The following FARS2 variants were observed in gnomAD, a reference collection of about 807,000 sequenced individuals.
FARS2 encodes the protein phenylalanine--tRNA ligase, mitochondrial.
Under a neutral mutation model 46.4 loss-of-function variants are expected in FARS2, and 40 were observed. That is an observed-to-expected ratio of 0.86 (90% CI 0.67 to 1.12). The LOEUF is 1.12. Among genes scored for constraint, FARS2 ranks in the 50% most tolerant of loss-of-function variants. FARS2 has a pLI of 0.00. For synonymous variants in FARS2, 234 were observed against 214.9 expected (o/e 1.09, Z -0.78); for missense variants, 513 against 567.9 (o/e 0.90, Z 0.98).
intron 1 of FARS2, among the ~76,000 whole-genome samples, chr6:5,357,217 A>G (rs1362077372): frequency 6.6e-6 from 1 of 152,232 alleles, no homozygotes; most frequent in South Asian, 2.1e-4. Flanking sequence ...TGGGGAGAAA[A>G]TGGAGCTTTG....
chr6:5,305,002 G>T (rs913379131), intron 1 of FARS2, among the ~76,000 whole-genome samples: 4 of 152,170 alleles, frequency 2.6e-5, no homozygotes, highest in Non-Finnish European at 5.9e-5. Context: ...GAGGGCACTG[G>T]AAGTAGCTGG....
At chr6:5,411,184 C>G (rs1163074099) in intron 3 of FARS2, among the ~76,000 whole-genome samples, 1 of 152,172 alleles carries the variant, frequency 6.6e-6, no homozygotes, top group East Asian at 1.9e-4. Flanking sequence ...GAGGCTGAGG[C>G]AGGAGGATTG....
intron 6 of FARS2, among the ~76,000 whole-genome samples, chr6:5,620,958 CT>C (rs1270682666): frequency 6.6e-6 from 1 of 152,252 alleles, no homozygotes; most frequent in African/African-American, 2.4e-5. Flanking sequence ...TACGTAGCTG[CT>C]GATTTAGGCA....
chr6:5,371,116 A>C, intron 2 of FARS2: 1 of 793,602 alleles, frequency 1.3e-6, no homozygotes, highest in Non-Finnish European at 1.5e-6. Context: ...TTTTCATGAC[A>C]CTCCTTTCTA....
intron 6 of FARS2, among the ~76,000 whole-genome samples, chr6:5,687,219 A>T (rs1232324094): frequency 1.3e-5 from 2 of 152,054 alleles, no homozygotes; most frequent in Non-Finnish European, 2.9e-5. Context: ...CCCATTTGTC[A>T]ATTTTGGCTT....
At chr6:5,328,997 T>C (rs1350283383) in intron 1 of FARS2, among the ~76,000 whole-genome samples, 1 of 152,118 alleles carries the variant, frequency 6.6e-6, no homozygotes, top group Non-Finnish European at 1.5e-5. Context: ...GAGTGAAGTG[T>C]CTTATCTCTA....
chr6:5,436,812 A>C (rs1763547939), intron 4 of FARS2, among the ~76,000 whole-genome samples: 1 of 152,184 alleles, frequency 6.6e-6, no homozygotes, highest in Non-Finnish European at 1.5e-5. Context: ...ATATTAAACA[A>C]ATACCCTAGA....
intron 4 of FARS2, among the ~76,000 whole-genome samples, chr6:5,543,371 G>T (rs990640182): frequency 1.1e-4 from 13 of 120,882 alleles, no homozygotes; most frequent in South Asian, 7.2e-4. Flanking sequence ...TCTGTTGTTG[G>T]TGGTGGTTTT....
At chr6:5,679,557 G>A (rs549430076) in intron 6 of FARS2, among the ~76,000 whole-genome samples, 18 of 152,116 alleles carry the variant, frequency 1.2e-4, no homozygotes, top group South Asian at 2.1e-4. Flanking sequence ...AATACTGATC[G>A]CCTTACCTCC....
intron 1 of FARS2, among the ~76,000 whole-genome samples, chr6:5,317,267 C>T (rs1156693591): frequency 2.6e-5 from 4 of 152,090 alleles, no homozygotes; most frequent in South Asian, 2.1e-4. Flanking sequence ...GTCTAGTATT[C>T]GACAAAAAAT....
chr6:5,286,652 G>A (rs748355943), intron 1 of FARS2, among the ~76,000 whole-genome samples: 1 of 152,126 alleles, frequency 6.6e-6, no homozygotes, highest in Non-Finnish European at 1.5e-5. Flanking sequence ...GTGTATGAGT[G>A]TGTGTGTATT....
intron 6 of FARS2, among the ~76,000 whole-genome samples, chr6:5,642,216 C>T (rs1187047635): frequency 1.3e-5 from 2 of 152,068 alleles, no homozygotes; most frequent in Non-Finnish European, 2.9e-5. Context: ...ATACACAATA[C>T]ATATTTTAGA....
At chr6:5,649,671 A>G (rs528090074) in intron 6 of FARS2, among the ~76,000 whole-genome samples, 1 of 152,354 alleles carries the variant, frequency 6.6e-6, no homozygotes, top group East Asian at 1.9e-4. Context: ...TATAGATGAG[A>G]AAACCAAGGC....
intron 4 of FARS2, among the ~76,000 whole-genome samples, chr6:5,511,187 A>G (rs10900970): frequency 0.12 from 18,366 of 152,262 alleles, 1,210 homozygotes; most frequent in East Asian, 0.23. Flanking sequence ...AGAATGATAG[A>G]TGCCAAGATG....
intron 1 of FARS2, among the ~76,000 whole-genome samples, chr6:5,293,122 A>G (rs1016671182): frequency 1.3e-5 from 2 of 152,262 alleles, no homozygotes; most frequent in African/African-American, 4.8e-5. Flanking sequence ...AGCAGAATCC[A>G]GAATTCACTG....
At chr6:5,272,475 A>T (rs1415958550) in intron 1 of FARS2, 1 of 152,126 alleles carries the variant, frequency 6.6e-6, no homozygotes, top group African/African-American at 2.4e-5. Flanking sequence ...AGGCAGAAAA[A>T]CTATGATTAT....
At chr6:5,632,268 C>T (rs1179337903) in intron 6 of FARS2, among the ~76,000 whole-genome samples, 1 of 152,210 alleles carries the variant, frequency 6.6e-6, no homozygotes, top group Non-Finnish European at 1.5e-5. Context: ...AACTCTGAAT[C>T]CGAGGTCTCA....
the FARS2 span, among the ~76,000 whole-genome samples, chr6:5,254,454 A>G: frequency 6.6e-6 from 1 of 152,216 alleles, no homozygotes; most frequent in Admixed American, 6.5e-5. Flanking sequence ...TCCTATTTTG[A>G]TTAATAAAGA....
chr6:5,265,420 G>C (rs554970411), intron 1 of FARS2, among the ~76,000 whole-genome samples: 2 of 152,262 alleles, frequency 1.3e-5, no homozygotes, highest in East Asian at 3.9e-4. Flanking sequence ...TCTCTGTCTG[G>C]AATAAATCAT....
Sources: allele counts gnomAD v4.1 joint callset (sites outside exome capture counted in the v4.1 genomes callset), GRCh38; gene constraint gnomAD v4.1.1; transcripts MANE v1.5; gene names NCBI Gene and HGNC (gene_info 2026-07-23, HGNC 2026-07-21).